IGFL4: variants seen among roughly 807,000 people sequenced by gnomAD.
IGFL4 encodes the protein insulin growth factor-like family member 4.
Under a neutral mutation model 15.4 loss-of-function variants are expected in IGFL4, and 12 were observed. That is an observed-to-expected ratio of 0.78 (90% CI 0.50 to 1.26). The LOEUF (loss-of-function observed/expected upper bound fraction) is 1.26. Ranked by LOEUF, IGFL4 falls within the 50% of genes most tolerant of loss-of-function variation. The pLI is 0.00. For synonymous variants in IGFL4, 54 were observed against 55.9 expected, an observed-to-expected ratio of 0.97 and a Z score of 0.16; for missense variants, 126 against 147.8, an observed-to-expected ratio of 0.85 and a Z score of 0.76.
chr19:46,068,647 G>T (rs16980269), intron 1 of IGFL4, among the ~76,000 whole-genome samples: 7,759 of 152,244 alleles, frequency 0.051, 438 homozygotes, highest in African/African-American at 0.12. Flanking sequence ...TCATCTGTGG[G>T]CGGCCTCTGA....
rs547072517 is a variant in IGFL4 at position 46,063,193 on chromosome 19, A to C, written c.-431-2900T>G. 3.9e-4 allele frequency among the ~76,000 whole-genome samples: 59 copies of C among 152,278 alleles called. 2 individuals are homozygous for C. The South Asian group carries it at 8.5e-3, about 22-fold the overall frequency. On this transcript the variant is annotated intron_variant, in intron 1 of 5. Coordinates refer to the IGFL4 transcript ENST00000601672. Reference sequence around the variant, plus strand: ...TGGAGCTAGTAGTTCAGCAAAGTGAATATAAACCCTGAATTGGCACGGAGT... The same window carrying C: ...TGGAGCTAGTAGTTCAGCAAAGTGACTATAAACCCTGAATTGGCACGGAGT...
chr19:46,074,693 C>A (rs916240664), intron 1 of IGFL4, among the ~76,000 whole-genome samples: 2 of 152,152 alleles, frequency 1.3e-5, no homozygotes, highest in Non-Finnish European at 2.9e-5. Flanking sequence ...TCTATTCTAG[C>A]CAAGCTGGCA....
upstream of IGFL4, among the ~76,000 whole-genome samples, chr19:46,041,554 A>G (rs1969243259): frequency 6.6e-6 from 1 of 151,558 alleles, no homozygotes; most frequent in Non-Finnish European, 1.5e-5. Flanking sequence ...CGGTGGTAGG[A>G]TGGATCTCTG....
chr19:46,042,335 G>T (rs1285393639), upstream of IGFL4, among the ~76,000 whole-genome samples: 1 of 152,142 alleles, frequency 6.6e-6, no homozygotes, highest in Non-Finnish European at 1.5e-5. Flanking sequence ...CACCTACACA[G>T]AACAGCTGCT....
chr19:46,044,071 C>T (rs1426057054), upstream of IGFL4, among the ~76,000 whole-genome samples: 1 of 152,128 alleles, frequency 6.6e-6, no homozygotes, highest in East Asian at 1.9e-4. Flanking sequence ...ATGGTCCACC[C>T]AGGAGCAGTG....
intron 1 of IGFL4, among the ~76,000 whole-genome samples, chr19:46,072,295 C>A (rs1229988804): frequency 6.6e-6 from 1 of 152,126 alleles, no homozygotes; most frequent in African/African-American, 2.4e-5. Context: ...AGCAGTTCCG[C>A]AGAACTAAGG....
intron 1 of IGFL4, among the ~76,000 whole-genome samples, chr19:46,066,026 G>A (rs530349008): frequency 2.7e-4 from 41 of 152,262 alleles, no homozygotes; most frequent in African/African-American, 8.2e-4. Context: ...GACCCTTAAG[G>A]CTGAAAGTGG....
At chr19:46,045,366 C>A (rs1400638197), upstream of IGFL4, among the ~76,000 whole-genome samples, 1 of 150,934 alleles carries the variant, frequency 6.6e-6, no homozygotes, top group Non-Finnish European at 1.5e-5. Context: ...TCGCTTGAAC[C>A]CGGGAGGCAG....
upstream of IGFL4, among the ~76,000 whole-genome samples, chr19:46,041,839 T>C (rs369755575): frequency 1.7e-3 from 63 of 36,930 alleles, no homozygotes; most frequent in Middle Eastern, 0.026. Flanking sequence ...CTCTCTCTCT[T>C]TTTTTTTTTT....
At chr19:46,062,403 C>T (rs1164997602) in intron 1 of IGFL4, among the ~76,000 whole-genome samples, 1 of 152,256 alleles carries the variant, frequency 6.6e-6, no homozygotes, top group Non-Finnish European at 1.5e-5. Flanking sequence ...TACTGAGCTA[C>T]AGCACTGAGC....
upstream of IGFL4, among the ~76,000 whole-genome samples, chr19:46,042,395 T>C (rs1969255248): frequency 6.6e-6 from 1 of 152,156 alleles, no homozygotes; most frequent in Admixed American, 6.5e-5. Flanking sequence ...AGTTAAGTAG[T>C]GTGAATACCG....
At chr19:46,046,825 C>A (rs1215926458) in intron 2 of IGFL4, among the ~76,000 whole-genome samples, 1 of 152,190 alleles carries the variant, frequency 6.6e-6, no homozygotes. Flanking sequence ...CTTTAACACC[C>A]ACTGTCAATA....
chr19:46,044,690 C>CA (rs1969281199), upstream of IGFL4, among the ~76,000 whole-genome samples: 1 of 152,198 alleles, frequency 6.6e-6, no homozygotes, highest in Non-Finnish European at 1.5e-5. Context: ...TTCCTCCTGA[C>CA]TGGGTGAGAC....
intron 1 of IGFL4, among the ~76,000 whole-genome samples, chr19:46,062,212 C>G (rs1969451926): frequency 6.6e-6 from 1 of 152,182 alleles, no homozygotes. Context: ...ATATTTCTGG[C>G]TTTTGAACTT....
At chr19:46,064,958 G>T (rs534917423) in intron 1 of IGFL4, among the ~76,000 whole-genome samples, 1 of 152,050 alleles carries the variant, frequency 6.6e-6, no homozygotes, top group Admixed American at 6.5e-5. Flanking sequence ...ACTTGTTATT[G>T]CCTGTCTTAA....
At chr19:46,058,683 T>C (rs1172553782) in intron 2 of IGFL4, 1 of 152,230 alleles carries the variant, frequency 6.6e-6, no homozygotes, top group Non-Finnish European at 1.5e-5. Context: ...AGGCGGAGGT[T>C]CCCAAACCTC....
chr19:46,041,126 A>G (rs1969239134), upstream of IGFL4: 4 of 627,584 alleles, frequency 6.4e-6, no homozygotes, highest in Admixed American at 1.0e-4. Context: ...GGGAACATAA[A>G]TAATTCATCA....
In IGFL4 at chr19:46,040,735, AG is replaced by A; in HGVS notation, c.20-168del. The A allele has an allele frequency of 1.1e-6, 1 of 946,984 alleles. No homozygotes were observed. The allele number at this position is 946,984 out of a possible 1,614,324, so 58.7% of individuals were successfully genotyped here. A position where few individuals can be genotyped will look rare whatever the true frequency, so the allele number is the denominator to read the frequency against. The stretch of plus-strand genomic sequence containing the variant: ...GGGACTGGGCTTGGCAGGTGAGGAA[AG>A]GCAGGGAGGGCTCTGGGAAAAGTTA... On this transcript the variant is annotated intron_variant, in intron 1 of 3. Transcript: ENST00000377697. The surrounding 1 kb of genome is among the most constrained non-coding windows in gnomAD (Gnocchi z 4.1).
chr19:46,059,682 T>C (rs554635602), intron 2 of IGFL4: 1 of 152,296 alleles, frequency 6.6e-6, no homozygotes, highest in South Asian at 2.1e-4. Flanking sequence ...TAAAGACAAA[T>C]CATGGCAAAA....
Sources: allele counts gnomAD v4.1 joint callset (sites outside exome capture counted in the v4.1 genomes callset), GRCh38; gene constraint gnomAD v4.1.1; non-coding constraint Gnocchi (gnomAD v3.1); transcripts MANE v1.5; gene names NCBI Gene and HGNC (gene_info 2026-07-23, HGNC 2026-07-21).